The following CHN2 variants were observed in gnomAD, a reference collection of about 807,000 sequenced individuals.
CHN2 encodes the protein chimerin 2.
In CHN2, 35 loss-of-function variants were observed where a neutral mutation model predicts 56.3. That is an observed-to-expected ratio of 0.62 (90% CI 0.47 to 0.82). The LOEUF is 0.82. CHN2 is among the 40% of genes least tolerant of loss of function. The pLI is 0.00. For missense variants in CHN2, 491 were observed against 580.5 expected (o/e 0.85, Z 1.58); for synonymous variants, 210 against 212.8 (o/e 0.99, Z 0.12).
intron 1 of CHN2, among the ~76,000 whole-genome samples, chr7:29,225,265 ATC>A (rs1562845279): frequency 9.2e-5 from 14 of 152,328 alleles, no homozygotes; most frequent in African/African-American, 3.4e-4. Flanking sequence ...GCATGGCCTA[ATC>A]ATAACATTGT....
intron 1 of CHN2, among the ~76,000 whole-genome samples, chr7:29,254,009 A>T (rs985947683): frequency 6.6e-6 from 1 of 152,132 alleles, no homozygotes; most frequent in African/African-American, 2.4e-5. Context: ...GGGTCAAGCG[A>T]TTCTCCTGCC....
chr7:29,486,317 C>G (rs1304651894), intron 7 of CHN2, among the ~76,000 whole-genome samples: 2 of 152,220 alleles, frequency 1.3e-5, no homozygotes, highest in Non-Finnish European at 2.9e-5. Flanking sequence ...TCTCCTCACT[C>G]CCTGCCCTGC....
intron 2 of CHN2, among the ~76,000 whole-genome samples, chr7:29,179,796 T>C (rs1466253219): frequency 1.3e-5 from 2 of 152,234 alleles, no homozygotes; most frequent in African/African-American, 4.8e-5. Flanking sequence ...ATAGCATTTA[T>C]GAGGTTCATT....
intron 1 of CHN2, among the ~76,000 whole-genome samples, chr7:29,235,878 G>A (rs990649173): frequency 2.6e-5 from 4 of 152,250 alleles, no homozygotes; most frequent in Admixed American, 6.5e-5. Context: ...GCACTGGGCC[G>A]GCTTGAAGGT....
At chr7:29,165,101 A>AT (rs1223039081) in intron 2 of CHN2, among the ~76,000 whole-genome samples, 5 of 152,218 alleles carry the variant, frequency 3.3e-5, no homozygotes, top group African/African-American at 9.6e-5. Flanking sequence ...AAGCCTGCTG[A>AT]TTTTTTTATT....
At chr7:29,190,109 T>A (rs1288402481), upstream of CHN2, among the ~76,000 whole-genome samples, 22 of 152,214 alleles carry the variant, frequency 1.4e-4, no homozygotes, top group Admixed American at 1.4e-3. Context: ...GACGCCTGCC[T>A]CAGAAGAGCC....
In CHN2 at chr7:29,507,337, T is replaced by C; in HGVS notation, c.1101T>C (p.Asp367=). 2 of 1,610,054 alleles carry C rather than the reference T, an allele frequency of 1.2e-6. No homozygotes were observed. The highest frequency in any genetic ancestry group is 1.1e-5 in the South Asian group (1 of 90,012). Reference sequence around the variant, plus strand: ...TACCCATCCCTGTCATCACATATGATACCTATTCCAAATTTATAGATGCAG... The same window carrying C: ...TACCCATCCCTGTCATCACATATGACACCTATTCCAAATTTATAGATGCAG... ...RDLPIPVITY[D]TYSKFIDAAK... Residue 367 remains aspartate (D), a synonymous_variant, in exon 11 of 13, where the codon GAT becomes GAC. Coordinates refer to ENST00000222792, the MANE Select transcript of CHN2 (RefSeq NM_004067.4).
chr7:29,485,162 G>A (rs2128551375), intron 7 of CHN2, among the ~76,000 whole-genome samples: 1 of 152,216 alleles, frequency 6.6e-6, no homozygotes, highest in East Asian at 1.9e-4. Flanking sequence ...GCTGTAGCTG[G>A]TTCATATTCA....
rs547863946 is a variant in CHN2 at position 29,201,006 on chromosome 7, T to G, written c.49+6016T>G. ...CTCATTTATAATTAATTGTACACCTTTGTGAGACTAATCTGAATATAGTCT... is the reference window on the plus strand; with the variant it reads ...CTCATTTATAATTAATTGTACACCTGTGTGAGACTAATCTGAATATAGTCT... On this transcript the variant is annotated intron_variant, in intron 1 of 12. Transcript: ENST00000222792. Among the ~76,000 whole-genome samples the G allele has an allele frequency of 2.6e-5, 4 of 152,322 alleles. No individual in the cohort carries two copies. The South Asian group carries it at 8.3e-4, about 32-fold the overall frequency.
intron 1 of CHN2, among the ~76,000 whole-genome samples, chr7:29,317,752 G>T (rs1031302378): frequency 4.6e-5 from 7 of 152,168 alleles, no homozygotes; most frequent in African/African-American, 1.7e-4. Context: ...GAGATATGAG[G>T]CTGAGGCAGG....
chr7:29,338,000 C>T (rs1796753133), intron 1 of CHN2, among the ~76,000 whole-genome samples: 1 of 152,202 alleles, frequency 6.6e-6, no homozygotes, highest in Admixed American at 6.5e-5. Flanking sequence ...TCAGAGCCAA[C>T]TAGACAGCCT....
At chr7:29,208,373 A>G (rs1024994522) in intron 1 of CHN2, among the ~76,000 whole-genome samples, 1 of 152,172 alleles carries the variant, frequency 6.6e-6, no homozygotes, top group Non-Finnish European at 1.5e-5. Context: ...AGACAAAGCA[A>G]GTACTAGAAC....
chr7:29,274,171 A>G (rs79423471), intron 1 of CHN2, among the ~76,000 whole-genome samples: 2,942 of 152,342 alleles, frequency 0.019, 36 homozygotes, highest in Middle Eastern at 0.031. Flanking sequence ...AGCTAGAATA[A>G]GATTGATGTT....
chr7:29,236,584 T>C (rs930025196), intron 1 of CHN2, among the ~76,000 whole-genome samples: 1 of 152,220 alleles, frequency 6.6e-6, no homozygotes, highest in African/African-American at 2.4e-5. Flanking sequence ...TCCAACTAGA[T>C]TTGCTGAAGG....
At chr7:29,216,813 C>G (rs10486610) in intron 1 of CHN2, among the ~76,000 whole-genome samples, 2 of 152,188 alleles carry the variant, frequency 1.3e-5, no homozygotes, top group Admixed American at 6.5e-5. Context: ...GGAAATTAAC[C>G]GGCTATACTT....
rs960934674 is a variant in CHN2 at position 29,200,057 on chromosome 7, C to T, written c.49+5067C>T. 2.6e-5 allele frequency: 4 copies of T among 152,282 alleles called. No individual in the cohort carries two copies. In the East Asian group the frequency reaches 7.7e-4, roughly 30 times the overall value. The allele number at this position is 152,282 out of a possible 1,614,324, so 9.4% of individuals were successfully genotyped here. A position where few individuals can be genotyped will look rare whatever the true frequency, so the allele number is the denominator to read the frequency against. On this transcript the variant is annotated intron_variant, in intron 1 of 12. Coordinates refer to ENST00000222792, the MANE Select transcript of CHN2 (RefSeq NM_004067.4). ...AAGCAACTGGACATTTGGTTTGGAGCACCTATACATGAGCAGTGTCACATA... is the reference window on the plus strand; with the variant it reads ...AAGCAACTGGACATTTGGTTTGGAGTACCTATACATGAGCAGTGTCACATA...
At chr7:29,158,697 A>C (rs2128705711) in intron 2 of CHN2, among the ~76,000 whole-genome samples, 1 of 152,350 alleles carries the variant, frequency 6.6e-6, no homozygotes, top group Non-Finnish European at 1.5e-5. Context: ...CCGTAGAGTT[A>C]ACAGTTTAAT....
At chr7:29,306,822 A>C (rs1347533973) in intron 1 of CHN2, among the ~76,000 whole-genome samples, 1 of 152,250 alleles carries the variant, frequency 6.6e-6, no homozygotes, top group African/African-American at 2.4e-5. Flanking sequence ...GGCCAGCTTG[A>C]GTGGAATGGC....
intron 3 of CHN2, among the ~76,000 whole-genome samples, chr7:29,386,408 G>C (rs1350380603): frequency 2.6e-5 from 4 of 152,140 alleles, no homozygotes; most frequent in African/African-American, 7.2e-5. Flanking sequence ...TGTGTAGGAG[G>C]CTGCTAAGTC....
Sources: allele counts gnomAD v4.1 joint callset (sites outside exome capture counted in the v4.1 genomes callset), GRCh38; gene constraint gnomAD v4.1.1; transcripts MANE v1.5; gene names NCBI Gene and HGNC (gene_info 2026-07-23, HGNC 2026-07-21).